Variants in PPP2CA observed in about 807,000 individuals in gnomAD.
The protein encoded by PPP2CA is serine/threonine-protein phosphatase 2A catalytic subunit alpha isoform.
In PPP2CA, 5 loss-of-function variants were observed where a neutral mutation model predicts 38.8. The observed-to-expected ratio is 0.13, with a 90% CI of 0.07 to 0.27. PPP2CA has a LOEUF of 0.27. Among genes scored for constraint, PPP2CA ranks in the 10% least tolerant of loss-of-function variants. The pLI, the probability that PPP2CA is intolerant of heterozygous loss-of-function variation, is 1.00. For missense variants in PPP2CA, 88 were observed against 389.7 expected (o/e 0.23, Z 6.52); for synonymous variants, 152 against 134.0 (o/e 1.13, Z -0.93).
Position 134,226,017 on chromosome 5 carries a change from C to A in PPP2CA, c.-156G>T. 1 of 589,228 alleles carries A rather than the reference C, an allele frequency of 1.7e-6. No homozygotes were observed. Among genetic ancestry groups the A allele is most frequent in the East Asian group, 3.3e-5 (1 of 29,982 alleles). 36.5% of individuals were successfully genotyped at this position (589,228 alleles called of 1,614,324 possible). A position where few individuals can be genotyped will look rare whatever the true frequency, so the allele number is the denominator to read the frequency against. ...GCTGGCTCTCACCGCAGTACTCGGCCGTCGGCCGCTGCGCCTCCTCCTCCG... is the reference window on the plus strand; with the variant it reads ...GCTGGCTCTCACCGCAGTACTCGGCAGTCGGCCGCTGCGCCTCCTCCTCCG... On this transcript the variant is annotated 5_prime_UTR_variant, in exon 1 of 7. Coordinates refer to ENST00000481195, the MANE Select transcript of PPP2CA (RefSeq NM_002715.4).
chr5:134,210,165 G>A (rs1279683797), intron 1 of PPP2CA, among the ~76,000 whole-genome samples: 1 of 151,942 alleles, frequency 6.6e-6, no homozygotes, highest in Non-Finnish European at 1.5e-5. Context: ...CAAGGACTTA[G>A]GCCTTATAAA....
At chr5:134,214,777 A>G (rs1247757030) in intron 1 of PPP2CA, among the ~76,000 whole-genome samples, 13 of 151,852 alleles carry the variant, frequency 8.6e-5, no homozygotes, top group Non-Finnish European at 1.5e-5. Context: ...TGTTTCTCTT[A>G]TTTTTTAAAT....
chr5:134,204,097 T>C (rs1387963173), intron 2 of PPP2CA, among the ~76,000 whole-genome samples: 58 of 152,226 alleles, frequency 3.8e-4, no homozygotes, highest in Admixed American at 3.8e-3. Flanking sequence ...TCTCCAAAAA[T>C]ATTTCGTAGG....
chr5:134,199,342 G>T, intron 5 of PPP2CA, 138 bp from the exon 6 acceptor site: 1 of 632,896 alleles, frequency 1.6e-6, no homozygotes. Flanking sequence ...CTTTTTTTCT[G>T]GATGACTTAA....
chr5:134,211,517 C>T (rs1297390407), intron 1 of PPP2CA, among the ~76,000 whole-genome samples: 1 of 148,778 alleles, frequency 6.7e-6, no homozygotes, highest in Non-Finnish European at 1.5e-5. Flanking sequence ...GCTCTTGTTG[C>T]GCGGGCTGGA....
intron 1 of PPP2CA, among the ~76,000 whole-genome samples, chr5:134,216,235 G>A (rs1762316812): frequency 6.6e-6 from 1 of 151,972 alleles, no homozygotes; most frequent in African/African-American, 2.4e-5. Context: ...TTCTCCTAAA[G>A]GTATATTACA....
At chr5:134,203,754 C>T (rs1343796623) in intron 2 of PPP2CA, among the ~76,000 whole-genome samples, 1 of 152,182 alleles carries the variant, frequency 6.6e-6, no homozygotes, top group Non-Finnish European at 1.5e-5. Flanking sequence ...TAGGATCTCA[C>T]TCTGTCGCCC....
At chr5:134,214,839 CAATT>C (rs753375000) in intron 1 of PPP2CA, among the ~76,000 whole-genome samples, 5 of 152,088 alleles carry the variant, frequency 3.3e-5, no homozygotes, top group African/African-American at 1.2e-4. Flanking sequence ...TTTTCTCCTA[CAATT>C]ATTAAGAAAA....
rs377148502 is a variant in PPP2CA, at chr5:134,200,327, C to A, written c.738+8G>T. ...AAAACAAGTCATATTTCAGAGAACA[C>A]AGCATACCTCCATCACTAGCTGGTG... is the stretch of plus-strand genomic sequence containing the variant. On this transcript the variant is annotated splice_region_variant and intron_variant, in intron 5 of 6. Coordinates refer to ENST00000481195, the MANE Select transcript of PPP2CA (RefSeq NM_002715.4). The A allele has an allele frequency of 3.7e-6, 6 of 1,607,890 alleles. No individual in the cohort carries two copies. The highest frequency in any genetic ancestry group is 5.1e-6 in the Non-Finnish European group (6 of 1,177,424).
chr5:134,215,096 ACTT>A, intron 1 of PPP2CA, among the ~76,000 whole-genome samples: 1 of 96,688 alleles, frequency 1.0e-5, no homozygotes, highest in Middle Eastern at 7.1e-3. Flanking sequence ...ATATTTATTT[ACTT>A]TTTTTTTTTT....
At chr5:134,216,660 C>T (rs530964926) in intron 1 of PPP2CA, among the ~76,000 whole-genome samples, 2 of 150,998 alleles carry the variant, frequency 1.3e-5, no homozygotes, top group Non-Finnish European at 3.0e-5. Flanking sequence ...TTATACTTAA[C>T]TAAAGAAACC....
At chr5:134,204,440 C>T (rs1000520354) in intron 2 of PPP2CA, among the ~76,000 whole-genome samples, 3 of 152,148 alleles carry the variant, frequency 2.0e-5, no homozygotes, top group Admixed American at 2.0e-4. Flanking sequence ...TTGCTTTTTT[C>T]GGTTATCATT....
intron 6 of PPP2CA, among the ~76,000 whole-genome samples, chr5:134,198,435 A>G (rs1761901847): frequency 6.6e-6 from 1 of 152,162 alleles, no homozygotes; most frequent in Admixed American, 6.5e-5. Context: ...CATGGTTTTA[A>G]AAGTGAAAAA....
chr5:134,208,192 GAAGTT>G (rs1217040105), intron 1 of PPP2CA, among the ~76,000 whole-genome samples: 1 of 152,188 alleles, frequency 6.6e-6, no homozygotes, highest in Non-Finnish European at 1.5e-5. Context: ...AAAGCTATCA[GAAGTT>G]AAATGTTAAT....
intron 1 of PPP2CA, among the ~76,000 whole-genome samples, chr5:134,209,682 G>A (rs1561738899): frequency 6.6e-6 from 1 of 152,038 alleles, no homozygotes; most frequent in Non-Finnish European, 1.5e-5. Context: ...GGAAGCTGAG[G>A]CATGAGAATA....
intron 1 of PPP2CA, among the ~76,000 whole-genome samples, chr5:134,212,723 T>C (rs1030563732): frequency 6.6e-6 from 1 of 152,190 alleles, no homozygotes; most frequent in African/African-American, 2.4e-5. Flanking sequence ...AAAGGAAAAG[T>C]TCTTTAAGGA....
intron 2 of PPP2CA, 85 bp from the exon 3 acceptor site, chr5:134,202,106 C>G: frequency 7.3e-7 from 1 of 1,370,106 alleles, no homozygotes; most frequent in Non-Finnish European, 9.8e-7. Flanking sequence ...GAAAAAAATG[C>G]AGTTACAATT....
chr5:134,212,384 G>C (rs145968657), intron 1 of PPP2CA, among the ~76,000 whole-genome samples: 528 of 152,220 alleles, frequency 3.5e-3, no homozygotes, highest in African/African-American at 0.011. Flanking sequence ...AGTGATCTTT[G>C]ATGTTACTAT....
chr5:134,202,137 A>G, intron 2 of PPP2CA, 116 bp from the exon 3 acceptor site: 1 of 1,008,034 alleles, frequency 9.9e-7, no homozygotes, highest in East Asian at 2.7e-5. Flanking sequence ...AACAGCACAC[A>G]TCCTCATATC....
Sources: allele counts gnomAD v4.1 joint callset (sites outside exome capture counted in the v4.1 genomes callset), GRCh38; gene constraint gnomAD v4.1.1; transcripts MANE v1.5; gene names NCBI Gene and HGNC (gene_info 2026-07-23, HGNC 2026-07-21).